Variants in CTNNA3 observed in about 807,000 individuals in gnomAD.
CTNNA3 encodes catenin alpha 3.
CTNNA3 carries 76 observed loss-of-function variants against 95.7 expected under a neutral mutation model. The ratio of observed to expected loss-of-function variants is 0.79; its 90% CI spans 0.66 to 0.96. CTNNA3 has a LOEUF of 0.96. Among genes scored for constraint, CTNNA3 ranks in the 40% least tolerant of loss-of-function variants. The pLI is 0.00. For synonymous variants in CTNNA3, 431 were observed against 374.4 expected, an observed-to-expected ratio of 1.15 and a Z score of -1.74; for missense variants, 1,191 against 1,089.8, an observed-to-expected ratio of 1.09 and a Z score of -1.31.
chr10:67,575,987 G>C (rs945352765), intron 3 of CTNNA3, among the ~76,000 whole-genome samples: 3 of 152,166 alleles, frequency 2.0e-5, no homozygotes, highest in Admixed American at 6.5e-5. Context: ...GATTAGTAGA[G>C]TTAAAAGGAT....
chr10:66,685,327 A>ATATG (rs1847244122), intron 9 of CTNNA3, among the ~76,000 whole-genome samples: 1 of 14,976 alleles, frequency 6.7e-5, no homozygotes, highest in Non-Finnish European at 1.0e-4. Context: ...GTATGTGTGT[A>ATATG]TATATATATA....
At chr10:67,112,623 C>CT (rs71006126) in intron 7 of CTNNA3, among the ~76,000 whole-genome samples, 81,368 of 147,334 alleles carry the variant, frequency 0.55, 23,691 homozygotes, top group African/African-American at 0.76. Flanking sequence ...GTTTTTCATT[C>CT]TTTTTTTTTT....
At chr10:65,944,395 G>T (rs2077478053) in intron 17 of CTNNA3, among the ~76,000 whole-genome samples, 1 of 152,230 alleles carries the variant, frequency 6.6e-6, no homozygotes, top group Admixed American at 6.5e-5. Context: ...GTATAATGGG[G>T]CTATTCGAAA....
intron 13 of CTNNA3, among the ~76,000 whole-genome samples, chr10:66,204,727 T>A (rs2087652575): frequency 6.6e-6 from 1 of 152,164 alleles, no homozygotes; most frequent in Non-Finnish European, 1.5e-5. Flanking sequence ...GAATGGAATT[T>A]ATCAGTTTAA....
At chr10:66,693,780 T>G (rs923536016) in intron 9 of CTNNA3, among the ~76,000 whole-genome samples, 1 of 151,988 alleles carries the variant, frequency 6.6e-6, no homozygotes, top group African/African-American at 2.4e-5. Flanking sequence ...CACAGTGCAA[T>G]CAAACTAGAA....
intron 5 of CTNNA3, among the ~76,000 whole-genome samples, chr10:67,455,003 G>GA (rs1163039424): frequency 2.0e-5 from 3 of 151,904 alleles, no homozygotes; most frequent in East Asian, 1.9e-4. Flanking sequence ...TATGAAACAG[G>GA]AAAAAATTAC....
rs990531068 is a variant in CTNNA3, at chr10:66,385,462, CA to C, written c.1532-6111del. On this transcript the variant is annotated intron_variant, in intron 11 of 17. Transcript: ENST00000433211. The stretch of plus-strand genomic sequence containing the variant: ...AGGCAAAAATTAATAGGCTACTAAC[CA>C]AAAAAAGTCCAGGACCAGAAGGATT... 2.7e-3 allele frequency among the ~76,000 whole-genome samples: 410 copies of C among 151,888 alleles called. 3 individuals are homozygous for C. Among genetic ancestry groups the C allele is most frequent in the African/African-American group, 9.3e-3 (384 of 41,408 alleles).
intron 7 of CTNNA3, among the ~76,000 whole-genome samples, chr10:66,824,744 A>G (rs1842433817): frequency 6.6e-6 from 1 of 152,176 alleles, no homozygotes; most frequent in African/African-American, 2.4e-5. Context: ...CTTCAAAACC[A>G]TCAAGGTCAT....
intron 7 of CTNNA3, among the ~76,000 whole-genome samples, chr10:67,130,716 C>T (rs12782623): frequency 0.36 from 54,789 of 151,836 alleles, 10,271 homozygotes; most frequent in Middle Eastern, 0.59. Context: ...GGAACTAGAA[C>T]GGTTTATAAT....
intron 11 of CTNNA3, among the ~76,000 whole-genome samples, chr10:66,443,086 C>T (rs1321238701): frequency 1.3e-5 from 2 of 152,118 alleles, no homozygotes; most frequent in African/African-American, 4.8e-5. Context: ...GATCAAACTG[C>T]AAGGCCACAG....
chr10:65,940,365 C>T (rs1031411554), intron 17 of CTNNA3, among the ~76,000 whole-genome samples: 1 of 152,184 alleles, frequency 6.6e-6, no homozygotes, highest in Non-Finnish European at 1.5e-5. Flanking sequence ...CTATAAACTA[C>T]AGGCATGTTC....
intron 4 of CTNNA3, among the ~76,000 whole-genome samples, chr10:67,530,077 C>G (rs1033140468): frequency 6.6e-6 from 1 of 152,226 alleles, no homozygotes; most frequent in African/African-American, 2.4e-5. Context: ...GCCTCCCCAG[C>G]AAGGTGGAAC....
chr10:67,229,391 C>G (rs1165768260), intron 5 of CTNNA3, among the ~76,000 whole-genome samples: 1 of 152,042 alleles, frequency 6.6e-6, no homozygotes, highest in Admixed American at 6.6e-5. Context: ...GAAAGCATTC[C>G]CTCTGAGAAC....
chr10:66,360,899 T>TTCTC (rs368267520), intron 12 of CTNNA3, among the ~76,000 whole-genome samples: 6 of 107,806 alleles, frequency 5.6e-5, no homozygotes, highest in African/African-American at 1.4e-4. Context: ...CTTTATTTCT[T>TTCTC]TCTCTCTCTC....
rs950966454 is a variant in CTNNA3, at chr10:66,792,077, C to T, written c.1048-16553G>A. On this transcript the variant is annotated intron_variant, in intron 7 of 17. Transcript: ENST00000433211. ...CCTACAGAAAATATTTCATCATTTGCATGAATAGCTTTAATATGCCACATG... is the reference window on the plus strand; with the variant it reads ...CCTACAGAAAATATTTCATCATTTGTATGAATAGCTTTAATATGCCACATG... Among the ~76,000 whole-genome samples the T allele has an allele frequency of 2.6e-5, 4 of 152,114 alleles. No homozygotes were observed. In the East Asian group the frequency reaches 7.7e-4, roughly 29 times the overall value.
At chr10:67,271,208 T>C (rs367811864) in intron 5 of CTNNA3, among the ~76,000 whole-genome samples, 4 of 152,168 alleles carry the variant, frequency 2.6e-5, no homozygotes, top group African/African-American at 9.7e-5. Context: ...AGGCTTTGCG[T>C]TCCCACCCAA....
At chr10:66,891,894 C>T (rs1845282340) in intron 7 of CTNNA3, among the ~76,000 whole-genome samples, 1 of 152,010 alleles carries the variant, frequency 6.6e-6, no homozygotes, top group Admixed American at 6.6e-5. Flanking sequence ...AATCACAAGG[C>T]ACCATAAGTT....
intron 9 of CTNNA3, among the ~76,000 whole-genome samples, chr10:66,732,548 C>T (rs1294785725): frequency 2.6e-5 from 4 of 152,040 alleles, no homozygotes; most frequent in African/African-American, 9.7e-5. Flanking sequence ...GCAAACAGGT[C>T]CTTCTTCACG....
intron 5 of CTNNA3, among the ~76,000 whole-genome samples, chr10:67,491,607 G>C (rs1053015545): frequency 6.6e-6 from 1 of 152,134 alleles, no homozygotes; most frequent in Admixed American, 6.5e-5. Flanking sequence ...TCAAAGAACG[G>C]AAAATACTCT....
Sources: gnomAD v4.1 joint callset for allele counts (sites outside exome capture counted in the v4.1 genomes callset) on GRCh38, gnomAD v4.1.1 for gene constraint, MANE v1.5 for transcripts, NCBI Gene and HGNC (gene_info 2026-07-23, HGNC 2026-07-21) for gene names.